EVL: variants seen among roughly 807,000 people sequenced by gnomAD.
EVL encodes the protein Enah/Vasp-like.
Under a neutral mutation model 59.6 loss-of-function variants are expected in EVL, and 21 were observed. The observed-to-expected ratio is 0.35, with a 90% CI of 0.25 to 0.51. The LOEUF is 0.51. EVL is among the 20% of genes least tolerant of loss of function. The pLI, the probability that EVL is intolerant of heterozygous loss-of-function variation, is 0.97. For synonymous variants in EVL, 198 were observed against 203.5 expected (o/e 0.97, Z 0.23); for missense variants, 462 against 546.6 (o/e 0.85, Z 1.54).
chr14:99,980,068 G>C (rs967335982), intron 1 of EVL, among the ~76,000 whole-genome samples: 1 of 152,168 alleles, frequency 6.6e-6, no homozygotes, highest in Non-Finnish European at 1.5e-5. Context: ...TGGGCTATAT[G>C]CAAATATGAC....
chr14:100,036,552 C>G (rs1566978112), intron 1 of EVL, among the ~76,000 whole-genome samples: 2 of 151,248 alleles, frequency 1.3e-5, no homozygotes, highest in South Asian at 2.1e-4. Flanking sequence ...ACCCATAAAC[C>G]TTTTTTTTTG....
intron 1 of EVL, among the ~76,000 whole-genome samples, chr14:99,993,685 CTTTTTTTTTT>C (rs532512303): frequency 8.9e-5 from 7 of 78,304 alleles, no homozygotes; most frequent in African/African-American, 3.6e-4. Context: ...TTCTTTCTTT[CTTTTTTTTTT>C]TTTTTTTTTT....
intron 1 of EVL, among the ~76,000 whole-genome samples, chr14:100,014,636 G>A (rs2061037948): frequency 6.6e-6 from 1 of 152,148 alleles, no homozygotes; most frequent in South Asian, 2.1e-4. Context: ...CCTTTCTTTG[G>A]GGTATATATC....
intron 9 of EVL, among the ~76,000 whole-genome samples, chr14:100,136,521 G>A (rs1888798904): frequency 6.6e-6 from 1 of 152,148 alleles, no homozygotes; most frequent in Non-Finnish European, 1.5e-5. Flanking sequence ...CCCAGGGTTG[G>A]TTGTTCATTC....
upstream of EVL, among the ~76,000 whole-genome samples, chr14:100,063,292 G>A (rs564548034): frequency 5.3e-5 from 8 of 152,266 alleles, no homozygotes; most frequent in South Asian, 6.2e-4. Flanking sequence ...AAGAAGGGTC[G>A]GAGCACTGCT....
chr14:100,015,229 A>C (rs993712555), intron 1 of EVL, among the ~76,000 whole-genome samples: 3 of 152,242 alleles, frequency 2.0e-5, no homozygotes, highest in African/African-American at 7.2e-5. Flanking sequence ...AGTACTAACA[A>C]ATCATAAATT....
At chr14:99,974,880 C>G (rs1364282045) in intron 1 of EVL, 2 of 152,372 alleles carry the variant, frequency 1.3e-5, no homozygotes, top group Admixed American at 6.5e-5. Flanking sequence ...TAATCTTAAA[C>G]TCATTCGTGA....
chr14:100,139,325 A>G (rs1276284735), intron 11 of EVL: 1 of 152,270 alleles, frequency 6.6e-6, no homozygotes, highest in African/African-American at 2.4e-5. Flanking sequence ...TCTGTTCTCT[A>G]ATTTTCAGAT....
At chr14:100,002,061 A>G (rs1012795056) in intron 1 of EVL, among the ~76,000 whole-genome samples, 5 of 152,214 alleles carry the variant, frequency 3.3e-5, no homozygotes. Flanking sequence ...CAATAGCTCA[A>G]AAGAAAAGTT....
intron 1 of EVL, among the ~76,000 whole-genome samples, chr14:99,975,783 A>G (rs1359847692): frequency 6.6e-6 from 1 of 152,200 alleles, no homozygotes; most frequent in East Asian, 1.9e-4. Context: ...CTGACAGGCC[A>G]TGGACCGATA....
chr14:100,049,199 ATTTTTC>A (rs2061606347), intron 1 of EVL, among the ~76,000 whole-genome samples: 1 of 152,132 alleles, frequency 6.6e-6, no homozygotes, highest in South Asian at 2.1e-4. Context: ...AATGTGTCCT[ATTTTTC>A]TTTAAATGTT....
At chr14:100,136,063 A>C (rs751713824) in intron 9 of EVL, 95 bp downstream of exon 9, 59 of 1,401,732 alleles carry the variant, frequency 4.2e-5, no homozygotes, top group Non-Finnish European at 5.6e-5. Context: ...CAGCCTCTTT[A>C]GTATGCCTGA....
At chr14:99,994,702 A>G (rs902435614) in intron 1 of EVL, among the ~76,000 whole-genome samples, 2 of 152,184 alleles carry the variant, frequency 1.3e-5, no homozygotes, top group African/African-American at 2.4e-5. Context: ...TTACAATACT[A>G]TAGGATTCTA....
chr14:100,108,954 A>G lies in EVL; in HGVS notation c.358+11296A>G, dbSNP rs948786550. Among the ~76,000 whole-genome samples, 1 of 152,124 alleles carries G rather than the reference A, an allele frequency of 6.6e-6. No homozygotes were observed. The highest frequency in any genetic ancestry group is 1.5e-5 in the Non-Finnish European group (1 of 68,012). On this transcript the variant is annotated intron_variant, in intron 3 of 13. Transcript: ENST00000392920. The surrounding 1 kb of genome is among the most constrained non-coding windows in gnomAD (Gnocchi z 4.1). ...ATCGTCTGCCTTATAAGCTCTCAGT[A>G]TATCCATCCCTGGCTGCAGGAACAC...
intron 1 of EVL, among the ~76,000 whole-genome samples, chr14:100,081,852 C>T (rs2062315507): frequency 6.6e-6 from 1 of 152,250 alleles, no homozygotes; most frequent in Non-Finnish European, 1.5e-5. Context: ...GTAATCCCAG[C>T]ACTTTGGGAG....
intron 1 of EVL, among the ~76,000 whole-genome samples, chr14:99,978,845 C>T (rs1316228254): frequency 6.6e-6 from 1 of 152,152 alleles, no homozygotes; most frequent in East Asian, 1.9e-4. Flanking sequence ...AAACTGTGTT[C>T]CTTTTGGAGC....
chr14:100,087,730 T>C (rs2062476871), intron 2 of EVL, among the ~76,000 whole-genome samples: 1 of 152,180 alleles, frequency 6.6e-6, no homozygotes, highest in Admixed American at 6.5e-5. Flanking sequence ...AGCAAATTCA[T>C]GGAGGCAGAG....
At chr14:100,010,717 C>T (rs1191330675) in intron 1 of EVL, among the ~76,000 whole-genome samples, 12 of 152,056 alleles carry the variant, frequency 7.9e-5, no homozygotes, top group Non-Finnish European at 1.2e-4. Flanking sequence ...TTTGTTTGTT[C>T]GTACCTCTGT....
chr14:100,141,375 C>A, intron 12 of EVL, 129 bp downstream of exon 12: 2 of 928,042 alleles, frequency 2.2e-6, no homozygotes, highest in Non-Finnish European at 3.2e-6. Flanking sequence ...AGTCAGGGAG[C>A]AGCCACGGCA....
Sources: gnomAD v4.1 joint callset for allele counts (sites outside exome capture counted in the v4.1 genomes callset) on GRCh38, gnomAD v4.1.1 for gene constraint, Gnocchi (gnomAD v3.1) non-coding constraint, MANE v1.5 for transcripts, NCBI Gene and HGNC (gene_info 2026-07-23, HGNC 2026-07-21) for gene names.